The following MRM1 variants were observed in gnomAD, a reference collection of about 807,000 sequenced individuals.
MRM1 encodes the protein mitochondrial rRNA methyltransferase 1, also known as rRNA methyltransferase 1, mitochondrial.
Under a neutral mutation model 25.0 loss-of-function variants are expected in MRM1, and 24 were observed. The ratio of observed to expected loss-of-function variants is 0.96; its 90% CI spans 0.69 to 1.35. MRM1 has a LOEUF of 1.35. Among genes scored for constraint, MRM1 ranks in the 40% most tolerant of loss-of-function variants. The pLI, the probability that MRM1 is intolerant of heterozygous loss-of-function variation, is 0.00. For synonymous variants in MRM1, 188 were observed against 199.2 expected (o/e 0.94, Z 0.47); for missense variants, 431 against 464.1 (o/e 0.93, Z 0.65).
chr17:36,625,087 T>A, the MRM1 span, among the ~76,000 whole-genome samples: 1 of 152,012 alleles, frequency 6.6e-6, no homozygotes, highest in South Asian at 2.1e-4. Flanking sequence ...TCCAGCGAGG[T>A]CAGAAGTGCT....
chr17:36,612,762 G>A (rs757119498), downstream of MRM1, among the ~76,000 whole-genome samples: 13 of 152,178 alleles, frequency 8.5e-5, no homozygotes, highest in Non-Finnish European at 1.6e-4. Flanking sequence ...GGATGACAGT[G>A]GTGTCCACTT....
At chr17:36,619,338 G>A in the MRM1 span, among the ~76,000 whole-genome samples, 1 of 152,122 alleles carries the variant, frequency 6.6e-6, no homozygotes, top group East Asian at 1.9e-4. Context: ...TTTGAATAAT[G>A]CTGCTAGGAA....
In MRM1 at chr17:36,607,699, C is replaced by T. The variant is rs113915340; in HGVS notation, c.666C>T (p.Ala222=). Residue 222 remains alanine, a synonymous_variant, in exon 3 of 5, where the codon GCC becomes GCT. Coordinates refer to ENST00000614766, the MANE Select transcript of MRM1 (RefSeq NM_024864.5). The stretch of plus-strand genomic sequence containing the variant: ...AAGCCCAGCAGGGCTGGCTCGTGGC[C>T]GGCACGGTGGGCTGCCCAAGCACAG... ...QTKAQQGWLV[A]GTVGCPSTED... is the part of the protein sequence containing the mutation. 70 of 1,614,034 alleles carry T rather than the reference C, an allele frequency of 4.3e-5. 1 individual carries two copies. Among genetic ancestry groups the T allele is most frequent in the African/African-American group, 2.3e-4 (17 of 74,938 alleles).
At chr17:36,622,946 GGC>G in the MRM1 span, among the ~76,000 whole-genome samples, 6 of 152,234 alleles carry the variant, frequency 3.9e-5, no homozygotes. Context: ...CCATTCGCTA[GGC>G]GCAGAGGTCA....
At chr17:36,619,204 T>C in the MRM1 span, among the ~76,000 whole-genome samples, 22 of 152,360 alleles carry the variant, frequency 1.4e-4, no homozygotes, top group South Asian at 2.1e-4. Context: ...GTCCATATTG[T>C]GGCATGTGAC....
chr17:36,621,707 C>A, the MRM1 span, among the ~76,000 whole-genome samples: 2 of 152,182 alleles, frequency 1.3e-5, no homozygotes, highest in Admixed American at 6.5e-5. Context: ...CCTCAACTAC[C>A]CCTGCAGCTA....
the MRM1 span, among the ~76,000 whole-genome samples, chr17:36,631,291 A>C: frequency 6.6e-6 from 1 of 152,222 alleles, no homozygotes; most frequent in African/African-American, 2.4e-5. Context: ...CAACTGAGAT[A>C]ATGCATGGGA....
downstream of MRM1, among the ~76,000 whole-genome samples, chr17:36,609,371 G>C (rs779601955): frequency 6.6e-6 from 1 of 152,182 alleles, no homozygotes; most frequent in Non-Finnish European, 1.5e-5. Flanking sequence ...CCTGGCATCC[G>C]GCTTTCGAAA....
In MRM1 at chr17:36,601,862, C is replaced by A; in HGVS notation, c.52C>A (p.Arg18Ser). 1 of 1,601,558 alleles carries A rather than the reference C, an allele frequency of 6.2e-7. No homozygotes were observed. Among genetic ancestry groups the A allele is most frequent in the Non-Finnish European group, 8.5e-7 (1 of 1,175,480 alleles). Residue 18 changes from arginine (R) to serine (S), a missense_variant, in exon 1 of 5, where the codon CGT becomes AGT. Coordinates refer to ENST00000614766, the MANE Select transcript of MRM1 (RefSeq NM_024864.5). ...RGATWGRLVT[R>S]HFSHAARHGE... ...CGCGACCTGGGGTCGCCTCGTCACCCGTCATTTCTCCCATGCAGCGCGGCA... is the reference window on the plus strand; with the variant it reads ...CGCGACCTGGGGTCGCCTCGTCACCAGTCATTTCTCCCATGCAGCGCGGCA...
Position 36,602,381 on chromosome 17 carries a change from C to G in MRM1, c.542+29C>G, listed in dbSNP as rs1464092054. ...CGGACGTCCCTCATTCTCTATGTGC[C>G]CCAACTTGGAGACGCAGCCGAGTTC... On this transcript the variant is annotated intron_variant, in intron 1 of 4. Coordinates refer to ENST00000614766, the MANE Select transcript of MRM1 (RefSeq NM_024864.5). This position sits in a 1 kb window ranked among gnomAD's most constrained non-coding sequence, Gnocchi z 4.1. The G allele has an allele frequency of 1.3e-6, 2 of 1,550,130 alleles. No individual in the cohort carries two copies. Among genetic ancestry groups the G allele is most frequent in the African/African-American group, 2.7e-5 (2 of 73,130 alleles).
downstream of MRM1, among the ~76,000 whole-genome samples, chr17:36,610,097 A>T (rs1056789637): frequency 2.1e-5 from 3 of 146,138 alleles, no homozygotes; most frequent in Admixed American, 1.4e-4. Context: ...TAATTTTTAT[A>T]TTTTTTTTTT....
At chr17:36,613,800 CAT>C (rs1292975176), downstream of MRM1, among the ~76,000 whole-genome samples, 2 of 152,046 alleles carry the variant, frequency 1.3e-5, no homozygotes, top group African/African-American at 4.8e-5. Context: ...GCCACACAAA[CAT>C]GTCCCCCTGC....
chr17:36,629,301 T>G, the MRM1 span, among the ~76,000 whole-genome samples: 1 of 152,114 alleles, frequency 6.6e-6, no homozygotes, highest in Admixed American at 6.5e-5. Context: ...GGAGGAAAAG[T>G]GTCATCTGGA....
rs781244583 is a variant in MRM1, at chr17:36,601,842, C to G, written c.32C>G (p.Thr11Ser). The G allele has an allele frequency of 1.9e-6, 3 of 1,586,402 alleles. No individual in the cohort carries two copies. The Admixed American group carries it at 5.1e-5, about 27-fold the overall frequency. The change falls in exon 1 of 5, where the codon ACC (threonine) becomes AGC (serine). Residue 11 changes from threonine to serine, a missense_variant. Physicochemically the swap from Thr to Ser is moderately conservative, Grantham distance 58. Transcript: ENST00000614766. MALLSTVRGA[T>S]WGRLVTRHFS... ...TTGCTCTCGACCGTCCGGGGCGCGA[C>G]CTGGGGTCGCCTCGTCACCCGTCAT...
the MRM1 span, among the ~76,000 whole-genome samples, chr17:36,626,105 G>T: frequency 6.6e-6 from 1 of 152,066 alleles, no homozygotes; most frequent in Admixed American, 6.5e-5. Context: ...ATGGCCCCAG[G>T]ATTGGCTGCG....
the MRM1 span, among the ~76,000 whole-genome samples, chr17:36,627,448 T>A: frequency 1.3e-5 from 2 of 152,210 alleles, no homozygotes; most frequent in East Asian, 3.9e-4. Flanking sequence ...CTTTGCCTGT[T>A]TCCCATCCCT....
At chr17:36,612,772 T>C (rs1205040068), downstream of MRM1, among the ~76,000 whole-genome samples, 1 of 152,166 alleles carries the variant, frequency 6.6e-6, no homozygotes, top group Non-Finnish European at 1.5e-5. Flanking sequence ...GGTGTCCACT[T>C]CAAAGGATGG....
At chr17:36,618,599 G>A in the MRM1 span, among the ~76,000 whole-genome samples, 1 of 152,152 alleles carries the variant, frequency 6.6e-6, no homozygotes. Flanking sequence ...AGGACAGTGA[G>A]AGGAAATGGG....
chr17:36,626,861 C>T, the MRM1 span, among the ~76,000 whole-genome samples: 1 of 152,180 alleles, frequency 6.6e-6, no homozygotes, highest in Non-Finnish European at 1.5e-5. Flanking sequence ...TTTTTCTCCA[C>T]ATCAGTTTTT....
Sources: allele counts gnomAD v4.1 joint callset (sites outside exome capture counted in the v4.1 genomes callset), GRCh38; gene constraint gnomAD v4.1.1; non-coding constraint Gnocchi (gnomAD v3.1); transcripts MANE v1.5; gene names NCBI Gene and HGNC (gene_info 2026-07-23, HGNC 2026-07-21).